Variants in LRIG2 observed in about 807,000 individuals in gnomAD.
The protein encoded by LRIG2 is leucine-rich repeats and immunoglobulin-like domains protein 2.
In LRIG2, 93 loss-of-function variants were observed where a neutral mutation model predicts 107.8. The observed-to-expected ratio is 0.86, with a 90% confidence interval of 0.73 to 1.03. LRIG2 has a LOEUF of 1.03. Ranked by LOEUF, LRIG2 falls within the 50% of genes least tolerant of loss-of-function variation. LRIG2 has a pLI of 0.00. For missense variants in LRIG2, 1,226 were observed against 1,296.0 expected, an observed-to-expected ratio of 0.95 and a Z score of 0.83; for synonymous variants, 471 against 470.6, an observed-to-expected ratio of 1.00 and a Z score of -0.01.
At chr1:113,123,795 C>A in intron 17 of LRIG2, 80 bp from the exon 18 acceptor site, 1 of 1,025,002 alleles carries the variant, frequency 9.8e-7, no homozygotes, top group Non-Finnish European at 1.5e-6. Flanking sequence ...TATTGAACAT[C>A]TTTATTTCTT....
At chr1:113,109,876 T>A (rs1225492431) in intron 12 of LRIG2, among the ~76,000 whole-genome samples, 1 of 152,164 alleles carries the variant, frequency 6.6e-6, no homozygotes, top group Admixed American at 6.5e-5. Flanking sequence ...GTAGAACTTG[T>A]CTTGAAATCC....
intron 1 of LRIG2, among the ~76,000 whole-genome samples, chr1:113,087,130 T>G (rs1653590127): frequency 6.6e-6 from 1 of 152,150 alleles, no homozygotes; most frequent in Non-Finnish European, 1.5e-5. Context: ...GCAACAGAGC[T>G]TTAGATTACT....
chr1:113,091,681 C>T (rs1486997266), intron 2 of LRIG2, among the ~76,000 whole-genome samples: 3 of 152,128 alleles, frequency 2.0e-5, no homozygotes, highest in Non-Finnish European at 4.4e-5. Context: ...GCCAAGTTTT[C>T]AGCCAGTGAA....
In LRIG2 at chr1:113,100,294, G is replaced by C; in HGVS notation, c.1244+12G>C. The C allele has an allele frequency of 6.3e-7, 1 of 1,578,052 alleles. No homozygotes were observed. The highest frequency in any genetic ancestry group is 1.1e-5 in the South Asian group (1 of 87,650). The stretch of plus-strand genomic sequence containing the variant: ...TCCCTTGAGCATCTGTAAGTATTTT[G>C]CATACATTTTGCTTACTCTATAAAT... On this transcript the variant is annotated intron_variant, in intron 10 of 17. Transcript: ENST00000361127.
At chr1:113,104,918 C>T (rs1438727920) in intron 11 of LRIG2, among the ~76,000 whole-genome samples, 6 of 152,168 alleles carry the variant, frequency 3.9e-5, no homozygotes, top group East Asian at 1.9e-4. Context: ...GAGGCCGAGG[C>T]GGGCAGATCA....
At chr1:113,115,324 C>T (rs576029634) in intron 15 of LRIG2, among the ~76,000 whole-genome samples, 14 of 152,200 alleles carry the variant, frequency 9.2e-5, no homozygotes, top group South Asian at 8.3e-4. Flanking sequence ...AGGTGATTCT[C>T]CCATCTCGGC....
rs1654710735 is a variant in LRIG2 at position 113,110,226 on chromosome 1, A to T, written c.1478-16A>T. Reference sequence around the variant, plus strand: ...AAATAACTGACTTGGCTACGGATGCATTTTTTTCCCCTTAGATGATTTTCT... The same window carrying T: ...AAATAACTGACTTGGCTACGGATGCTTTTTTTTCCCCTTAGATGATTTTCT... On this transcript the variant is annotated splice_polypyrimidine_tract_variant and intron_variant, in intron 12 of 17. Transcript: ENST00000361127. The T allele has an allele frequency of 1.3e-6, 2 of 1,547,090 alleles. No individual in the cohort carries two copies. Among genetic ancestry groups the T allele is most frequent in the Non-Finnish European group, 8.7e-7 (1 of 1,143,022 alleles).
intron 2 of LRIG2, among the ~76,000 whole-genome samples, chr1:113,092,089 T>C (rs867685938): frequency 2.6e-5 from 4 of 152,244 alleles, no homozygotes; most frequent in African/African-American, 7.2e-5. Context: ...GATTCACTGC[T>C]TCTAATACGT....
chr1:113,110,010 C>CA (rs1031112586), intron 12 of LRIG2, among the ~76,000 whole-genome samples: 3 of 152,100 alleles, frequency 2.0e-5, no homozygotes, highest in Non-Finnish European at 4.4e-5. Flanking sequence ...ACCTGAGTTC[C>CA]AATCCAGGCT....
chr1:113,107,306 AT>A (rs1226277146), intron 11 of LRIG2, among the ~76,000 whole-genome samples: 1 of 151,746 alleles, frequency 6.6e-6, no homozygotes, highest in South Asian at 2.1e-4. Flanking sequence ...TCATTTGCAG[AT>A]TTTTTTTTCA....
intron 1 of LRIG2, among the ~76,000 whole-genome samples, chr1:113,085,364 A>C (rs953897945): frequency 6.6e-6 from 1 of 151,986 alleles, no homozygotes; most frequent in Non-Finnish European, 1.5e-5. Context: ...GCTCACCGCA[A>C]CCTCCGCCTC....
chr1:113,097,462 T>A (rs142987199), intron 8 of LRIG2, among the ~76,000 whole-genome samples: 8 of 152,304 alleles, frequency 5.3e-5, no homozygotes, highest in Middle Eastern at 3.4e-3. Flanking sequence ...AGGTGTGTAT[T>A]TGATTTTTTA....
intron 1 of LRIG2, among the ~76,000 whole-genome samples, chr1:113,090,368 A>G (rs1653747467): frequency 6.6e-6 from 1 of 152,120 alleles, no homozygotes; most frequent in Non-Finnish European, 1.5e-5. Context: ...ACTTTTTGAT[A>G]ATTGGACCAT....
rs74114112 is a variant in LRIG2, at chr1:113,099,841, A to G, written c.1173-370A>G. ...GTTCACACTTGTCTGAATTTCTTTC[A>G]TCTGACAATCTTTTGCTCTGAATGG... On this transcript the variant is annotated intron_variant, in intron 9 of 17. Coordinates refer to ENST00000361127, the MANE Select transcript of LRIG2 (RefSeq NM_014813.3). Among the ~76,000 whole-genome samples, 891 of 152,322 alleles carry G rather than the reference A, an allele frequency of 5.8e-3. 8 individuals are homozygous for G. Among genetic ancestry groups the G allele is most frequent in the African/African-American group, 0.02 (839 of 41,564 alleles).
chr1:113,092,979 A>G lies in LRIG2; in HGVS notation c.306-227A>G, dbSNP rs576025248. 3.3e-5 allele frequency among the ~76,000 whole-genome samples: 5 copies of G among 152,234 alleles called. No homozygotes were observed. The East Asian group carries it at 9.7e-4, about 29-fold the overall frequency. ...ACTCCAGCCTGGGCAAAAAGAATGA[A>G]ACTCTGTTTCAAAAAAAAAAGAAAA... On this transcript the variant is annotated intron_variant, in intron 2 of 17. Coordinates refer to ENST00000361127, the MANE Select transcript of LRIG2 (RefSeq NM_014813.3).
intron 5 of LRIG2, 21 bp from the exon 6 acceptor site, chr1:113,094,591 G>C: frequency 6.2e-7 from 1 of 1,604,816 alleles, no homozygotes; most frequent in Non-Finnish European, 8.5e-7. Context: ...TTTCCTGACT[G>C]TAAAACTATT....
chr1:113,122,216 G>A (rs532307669), intron 17 of LRIG2, among the ~76,000 whole-genome samples: 15 of 151,650 alleles, frequency 9.9e-5, no homozygotes, highest in South Asian at 8.4e-4. Flanking sequence ...CTGAGTAGCT[G>A]GGATTACAGG....
chr1:113,073,245 C>T lies in LRIG2; in HGVS notation c.-162C>T, dbSNP rs954787020. On this transcript the variant is annotated 5_prime_UTR_variant, in exon 1 of 18. Coordinates refer to ENST00000361127, the MANE Select transcript of LRIG2 (RefSeq NM_014813.3). ...CGTGTGTCCCAGGCCGTCGACCCCG[C>T]TGTCGCGCTGCGTCTGCTCCTTGCA... The T allele has an allele frequency of 1.7e-5, 11 of 655,728 alleles. 1 individual carries two copies. In the Middle Eastern group the frequency reaches 3.0e-3, roughly 176 times the overall value. The allele number at this position is 655,728 out of a possible 1,614,324, so 40.6% of individuals were successfully genotyped here. A position where few individuals can be genotyped will look rare whatever the true frequency, so the allele number is the denominator to read the frequency against.
intron 8 of LRIG2, among the ~76,000 whole-genome samples, chr1:113,096,699 A>G (rs930346539): frequency 6.6e-6 from 1 of 152,244 alleles, no homozygotes; most frequent in African/African-American, 2.4e-5. Context: ...ACAATACACC[A>G]GAGCTACTAG....
Sources: allele counts gnomAD v4.1 joint callset (sites outside exome capture counted in the v4.1 genomes callset), GRCh38; gene constraint gnomAD v4.1.1; transcripts MANE v1.5; gene names NCBI Gene and HGNC (gene_info 2026-07-23, HGNC 2026-07-21).